Variants in KDM3A observed in about 807,000 individuals in gnomAD.
The protein encoded by KDM3A is lysine-specific demethylase 3A.
Under a neutral mutation model 158.0 loss-of-function variants are expected in KDM3A, and 60 were observed. The observed-to-expected ratio is 0.38, with a 90% CI of 0.31 to 0.47. The LOEUF is 0.47. KDM3A is among the 20% of genes least tolerant of loss of function. KDM3A has a pLI of 0.99. For synonymous variants in KDM3A, 608 were observed against 549.3 expected (o/e 1.11, Z -1.49); for missense variants, 1,319 against 1,574.3 (o/e 0.84, Z 2.74).
At chr2:86,455,594 A>C (rs1672656115) in intron 5 of KDM3A, among the ~76,000 whole-genome samples, 1 of 152,120 alleles carries the variant, frequency 6.6e-6, no homozygotes, top group African/African-American at 2.4e-5. Flanking sequence ...AATTCAAAAA[A>C]TGTGTGTGTT....
At chr2:86,464,728 A>G (rs572062190) in intron 9 of KDM3A, among the ~76,000 whole-genome samples, 8 of 152,262 alleles carry the variant, frequency 5.3e-5, no homozygotes, top group Non-Finnish European at 1.0e-4. Flanking sequence ...TACGAAATGT[A>G]AAGTTTCACT....
rs1414148468 is a variant in KDM3A, at chr2:86,489,408, T to A, written c.3404T>A (p.Ile1135Asn). ...DAANVMVYVG[I>N]PKGQCEQEEE... ...GCTAATGTCATGGTCTATGTGGGAA[T>A]TCCCAAAGGACAGTGTGAGCAAGAA... The change falls in exon 22 of 26, where the codon ATT becomes AAT. Residue 1135 changes from isoleucine (I) to asparagine (N), a missense_variant. Coordinates refer to ENST00000312912, the MANE Select transcript of KDM3A (RefSeq NM_018433.6). 6.2e-7 allele frequency: 1 copy of A among 1,614,030 alleles called. No homozygotes were observed. The highest frequency in any genetic ancestry group is 8.5e-7 in the Non-Finnish European group (1 of 1,179,964).
rs1232065999 is a variant in KDM3A, at chr2:86,491,269, A to G, written c.3879A>G (p.Lys1293=). ...AGACTCATACCAATCACGAAGATAA[A>G]TTACAGGTAAAAATAGCACCAATTC... The part of the protein sequence containing the change: ...LSQTHTNHED[K]LQVKNVIYHA... The change falls in exon 25 of 26, where the codon AAA becomes AAG. Residue 1293 remains lysine, a synonymous_variant. Coordinates refer to ENST00000312912, the MANE Select transcript of KDM3A (RefSeq NM_018433.6). 1 of 1,613,744 alleles carries G rather than the reference A, an allele frequency of 6.2e-7. No homozygotes were observed. The highest frequency in any genetic ancestry group is 8.5e-7 in the Non-Finnish European group (1 of 1,179,702).
At chr2:86,460,896 G>A (rs1672899178) in intron 8 of KDM3A, 1 of 152,146 alleles carries the variant, frequency 6.6e-6, no homozygotes, top group Admixed American at 6.5e-5. Context: ...CGTGAACATG[G>A]GTTTGGGAAT....
At chr2:86,445,110 A>G (rs986921410) in intron 2 of KDM3A, among the ~76,000 whole-genome samples, 6 of 152,250 alleles carry the variant, frequency 3.9e-5, no homozygotes, top group African/African-American at 1.2e-4. Context: ...CTTAAACACT[A>G]GGCTTTAATA....
chr2:86,464,917 G>A (rs567406917), intron 9 of KDM3A, among the ~76,000 whole-genome samples: 26 of 152,298 alleles, frequency 1.7e-4, no homozygotes, highest in African/African-American at 5.8e-4. Flanking sequence ...GAGCACACTG[G>A]TTCACTGGGA....
chr2:86,466,811 A>C lies in KDM3A; in HGVS notation c.1447A>C (p.Asn483His). Residue 483 changes from asparagine (N) to histidine (H), a missense_variant, in exon 10 of 26, where the codon AAT becomes CAT. This residue lies in a region of KDM3A where 652 missense variants were observed against 627.2 expected (regional missense o/e 1.04). Transcript: ENST00000312912. ...EPSALACRSQ[N>H]LKESSVKVDN... ...TTCAGCTTTAGCTTGCCGATCACAG[A>C]ATTTAAAGGAATCTTCAGTAAAAGT... 6.2e-7 allele frequency: 1 copy of C among 1,613,100 alleles called. No individual in the cohort carries two copies. Among genetic ancestry groups the C allele is most frequent in the Non-Finnish European group, 8.5e-7 (1 of 1,179,486 alleles).
chr2:86,451,325 C>A, intron 4 of KDM3A, 112 bp downstream of exon 4: 1 of 600,340 alleles, frequency 1.7e-6, no homozygotes, highest in Non-Finnish European at 2.8e-6. Flanking sequence ...GATGCCTACT[C>A]CTTGCACAGT....
At chr2:86,452,636 G>A (rs937060010) in intron 4 of KDM3A, among the ~76,000 whole-genome samples, 7 of 151,944 alleles carry the variant, frequency 4.6e-5, no homozygotes, top group South Asian at 2.1e-4. Flanking sequence ...CTTCTTTACC[G>A]CCTTCTGTTT....
intron 8 of KDM3A, among the ~76,000 whole-genome samples, chr2:86,459,153 A>G (rs1380043021): frequency 6.6e-6 from 1 of 152,152 alleles, no homozygotes. Context: ...ATGATACTAT[A>G]TAGTCTCCCA....
At chr2:86,449,128 GA>G (rs1178854112) in intron 2 of KDM3A, among the ~76,000 whole-genome samples, 1 of 152,178 alleles carries the variant, frequency 6.6e-6, no homozygotes, top group Non-Finnish European at 1.5e-5. Flanking sequence ...CAATTACTTG[GA>G]AAACAATATT....
At chr2:86,489,707 A>G (rs754494374) in intron 23 of KDM3A, 48 bp downstream of exon 23, 11 of 1,560,320 alleles carry the variant, frequency 7.0e-6, no homozygotes, top group South Asian at 4.8e-5. Context: ...GAATAGCAAT[A>G]TTATGTTACT....
intron 2 of KDM3A, among the ~76,000 whole-genome samples, chr2:86,443,707 A>G (rs939095857): frequency 3.3e-5 from 5 of 152,198 alleles, no homozygotes; most frequent in Admixed American, 6.5e-5. Flanking sequence ...ATCAAGAGCT[A>G]TGCCACAGCA....
upstream of KDM3A, among the ~76,000 whole-genome samples, chr2:86,439,118 G>GA: frequency 6.6e-6 from 1 of 152,060 alleles, no homozygotes; most frequent in African/African-American, 2.4e-5. Flanking sequence ...GGGTGGTATT[G>GA]AATATAAGTG....
rs749367834 is a variant in KDM3A at position 86,470,328 on chromosome 2, G to T, written c.1644G>T (p.Glu548Asp). ...NIVAQLPKCR[E>D]CRLDSLRKDK... is the part of the protein sequence containing the mutation. Reference sequence around the variant, plus strand: ...TGGCACAGTTGCCTAAATGCCGAGAGTGTCGCTTGGACAGTCTCCGCAAGG... The same window carrying T: ...TGGCACAGTTGCCTAAATGCCGAGATTGTCGCTTGGACAGTCTCCGCAAGG... The change falls in exon 11 of 26, where the codon GAG becomes GAT. Residue 548 changes from glutamate (E) to aspartate (D), a missense_variant. This residue lies in a region of KDM3A where 113 missense variants were observed against 190.5 expected (regional missense o/e 0.59). Transcript: ENST00000312912. 2 of 1,613,948 alleles carry T rather than the reference G, an allele frequency of 1.2e-6. No homozygotes were observed. The highest frequency in any genetic ancestry group is 1.7e-6 in the Non-Finnish European group (2 of 1,179,988).
At chr2:86,454,654 A>G (rs1376309219) in intron 4 of KDM3A, among the ~76,000 whole-genome samples, 2 of 152,094 alleles carry the variant, frequency 1.3e-5, no homozygotes, top group East Asian at 3.8e-4. Flanking sequence ...TGAATCGACC[A>G]TATACATCTG....
intron 12 of KDM3A, among the ~76,000 whole-genome samples, chr2:86,477,460 T>G (rs1239314802): frequency 1.3e-5 from 2 of 152,178 alleles, no homozygotes; most frequent in Admixed American, 6.5e-5. Context: ...TTTTCTTTTT[T>G]CCTTTGGAGA....
At chr2:86,480,017 T>C (rs1272261250) in intron 15 of KDM3A, 150 bp from the exon 16 acceptor site, 1 of 633,300 alleles carries the variant, frequency 1.6e-6, no homozygotes, top group Non-Finnish European at 2.8e-6. Flanking sequence ...GCGGGATTAC[T>C]GCAGCTGTGG....
At position 86,466,495 on chromosome 2, in the gene KDM3A, T is replaced by C; in HGVS notation, c.1131T>C (p.Thr377=). Reference sequence around the variant, plus strand: ...TCTCAAAGTCCTCTCAGATTGGAACTGGAGACTTGAAAATTCTGACTGAGC... The same window carrying C: ...TCTCAAAGTCCTCTCAGATTGGAACCGGAGACTTGAAAATTCTGACTGAGC... The part of the protein sequence containing the change: ...GLLSKSSQIG[T]GDLKILTEPK... Residue 377 remains threonine (T), a synonymous_variant, in exon 10 of 26, where the codon ACT becomes ACC. Transcript: ENST00000312912. The C allele has an allele frequency of 6.2e-7, 1 of 1,613,954 alleles. No homozygotes were observed. Among genetic ancestry groups the C allele is most frequent in the Non-Finnish European group, 8.5e-7 (1 of 1,179,862 alleles).
Sources: gnomAD v4.1 joint callset for allele counts (sites outside exome capture counted in the v4.1 genomes callset) on GRCh38, gnomAD v4.1.1 for gene constraint, gnomAD v4.1.1 regional missense constraint, MANE v1.5 for transcripts, NCBI Gene and HGNC (gene_info 2026-07-23, HGNC 2026-07-21) for gene names.